Variants in DAB1 observed in about 807,000 individuals in gnomAD.
DAB1 encodes disabled homolog 1.
A neutral mutation model predicts 64.6 loss-of-function variants in DAB1; 15 were observed. The ratio of observed to expected loss-of-function variants is 0.23; its 90% confidence interval spans 0.16 to 0.36. DAB1 has a LOEUF of 0.36. Among genes scored for constraint, DAB1 ranks in the 10% least tolerant of loss-of-function variants. The pLI is 1.00. For synonymous variants in DAB1, 235 were observed against 251.9 expected (o/e 0.93, Z 0.64); for missense variants, 596 against 706.7 (o/e 0.84, Z 1.78).
At chr1:58,135,118 G>A (rs1323818676) in intron 5 of DAB1, among the ~76,000 whole-genome samples, 1 of 152,094 alleles carries the variant, frequency 6.6e-6, no homozygotes, top group Non-Finnish European at 1.5e-5. Flanking sequence ...CTTCCTGAAG[G>A]GGCTGTTGTA....
intron 2 of DAB1, among the ~76,000 whole-genome samples, chr1:57,174,120 G>A (rs2100936440): frequency 6.6e-6 from 1 of 152,226 alleles, no homozygotes; most frequent in South Asian, 2.1e-4. Context: ...TCCTAGAGTG[G>A]GAGCTGGAGA....
chr1:58,107,575 G>A (rs1651733665), intron 5 of DAB1, among the ~76,000 whole-genome samples: 1 of 151,926 alleles, frequency 6.6e-6, no homozygotes, highest in South Asian at 2.1e-4. Context: ...CTTTGGCCAG[G>A]CCAAAGGGAA....
chr1:58,257,511 A>C (rs989011147), intron 4 of DAB1, among the ~76,000 whole-genome samples: 3 of 152,192 alleles, frequency 2.0e-5, no homozygotes, highest in Non-Finnish European at 4.4e-5. Context: ...CAATTGGTCA[A>C]AAGGGCTACT....
chr1:57,695,382 A>G (rs1204943338), intron 6 of DAB1, among the ~76,000 whole-genome samples: 1 of 82,526 alleles, frequency 1.2e-5, no homozygotes, highest in East Asian at 3.9e-4. Flanking sequence ...GAAAGAAAGA[A>G]AGAAAGAAAG....
At chr1:57,963,171 T>A (rs570939066) in intron 5 of DAB1, among the ~76,000 whole-genome samples, 1 of 152,228 alleles carries the variant, frequency 6.6e-6, no homozygotes, top group South Asian at 2.1e-4. Flanking sequence ...ACAAATGAGG[T>A]CCCTATTTTC....
At chr1:58,135,667 C>T (rs1479620534) in intron 5 of DAB1, among the ~76,000 whole-genome samples, 1 of 152,044 alleles carries the variant, frequency 6.6e-6, no homozygotes, top group African/African-American at 2.4e-5. Context: ...GTGCCTTTTG[C>T]TTTATAGAGC....
intron 4 of DAB1, among the ~76,000 whole-genome samples, chr1:58,261,381 C>G (rs1033545533): frequency 7.2e-5 from 11 of 152,162 alleles, no homozygotes; most frequent in African/African-American, 2.7e-4. Flanking sequence ...ACTGGACAGA[C>G]AAGCCCACCA....
At chr1:57,424,496 G>A (rs1685186680), upstream of DAB1, among the ~76,000 whole-genome samples, 1 of 152,176 alleles carries the variant, frequency 6.6e-6, no homozygotes, top group Admixed American at 6.5e-5. Flanking sequence ...AAGGGAGGGG[G>A]GTTGTCACAA....
chr1:57,114,211 C>G (rs769649060), intron 4 of DAB1, among the ~76,000 whole-genome samples: 39 of 152,278 alleles, frequency 2.6e-4, no homozygotes, highest in Non-Finnish European at 4.6e-4. Context: ...TGTGAATAGA[C>G]CGCTACAGAT....
intron 4 of DAB1, among the ~76,000 whole-genome samples, chr1:57,131,789 A>T (rs1333721398): frequency 6.6e-6 from 1 of 151,970 alleles, no homozygotes; most frequent in East Asian, 1.9e-4. Context: ...GGCCACTCTC[A>T]CCTCCTACCT....
chr1:57,885,118 C>T (rs1375616698), upstream of DAB1, among the ~76,000 whole-genome samples: 1 of 152,172 alleles, frequency 6.6e-6, no homozygotes, highest in South Asian at 2.1e-4. Flanking sequence ...CAGAGCTAAT[C>T]ACAGATCTTT....
At chr1:57,618,678 G>C (rs1050667649) in intron 7 of DAB1, among the ~76,000 whole-genome samples, 3 of 152,110 alleles carry the variant, frequency 2.0e-5, no homozygotes, top group Non-Finnish European at 4.4e-5. Context: ...CAGCCTTTCC[G>C]GAGCCTTTTG....
intron 4 of DAB1, among the ~76,000 whole-genome samples, chr1:58,309,749 A>G (rs1662386182): frequency 6.6e-6 from 1 of 152,166 alleles, no homozygotes. Context: ...TTGGCCCAGG[A>G]GTACTAATGA....
intron 1 of DAB1, among the ~76,000 whole-genome samples, chr1:57,333,777 T>C (rs1433734559): frequency 6.6e-6 from 1 of 152,218 alleles, no homozygotes; most frequent in Non-Finnish European, 1.5e-5. Context: ...CTCTGGCACA[T>C]ATTAAACTCT....
intron 3 of DAB1, among the ~76,000 whole-genome samples, chr1:58,462,223 T>C (rs907552722): frequency 5.4e-5 from 8 of 147,296 alleles, no homozygotes; most frequent in Non-Finnish European, 1.0e-4. Context: ...GCTTCCCGGG[T>C]TCACGCCATT....
intron 7 of DAB1, among the ~76,000 whole-genome samples, chr1:57,627,639 T>C (rs972651185): frequency 1.3e-5 from 2 of 152,188 alleles, no homozygotes; most frequent in African/African-American, 4.8e-5. Context: ...ATATAATAAA[T>C]GTTGAATGAA....
At chr1:57,246,251 A>G (rs1407005314) in intron 2 of DAB1, among the ~76,000 whole-genome samples, 1 of 152,172 alleles carries the variant, frequency 6.6e-6, no homozygotes, top group Non-Finnish European at 1.5e-5. Context: ...CATGGGCAAG[A>G]ACCTACCACC....
At chr1:57,490,215 T>C (rs997092184) in intron 7 of DAB1, among the ~76,000 whole-genome samples, 1 of 152,218 alleles carries the variant, frequency 6.6e-6, no homozygotes, top group Non-Finnish European at 1.5e-5. Context: ...TATTTCATTA[T>C]AGCACACTGA....
intron 7 of DAB1, among the ~76,000 whole-genome samples, chr1:57,568,380 T>C (rs1347901244): frequency 6.6e-6 from 1 of 152,052 alleles, no homozygotes; most frequent in African/African-American, 2.4e-5. Context: ...GGACTTCATG[T>C]CTAAAACACC....
Sources: allele counts gnomAD v4.1 joint callset (sites outside exome capture counted in the v4.1 genomes callset), GRCh38; gene constraint gnomAD v4.1.1; transcripts MANE v1.5; gene names NCBI Gene and HGNC (gene_info 2026-07-23, HGNC 2026-07-21).